The following CACNA1C variants were observed in gnomAD, a reference collection of about 807,000 sequenced individuals.
The protein encoded by CACNA1C is voltage-dependent L-type calcium channel subunit alpha-1C.
In CACNA1C, 30 loss-of-function variants were observed where a neutral mutation model predicts 229.0. The observed-to-expected ratio is 0.13, with a 90% CI of 0.10 to 0.18. CACNA1C has a LOEUF of 0.18. CACNA1C is among the 10% of genes least tolerant of loss of function. CACNA1C has a pLI of 1.00. For missense variants in CACNA1C, 1,658 were observed against 2,845.0 expected, an observed-to-expected ratio of 0.58 and a Z score of 9.49; for synonymous variants, 1,114 against 1,132.5, an observed-to-expected ratio of 0.98 and a Z score of 0.33.
At chr12:2,250,087 C>G (rs1452018526) in intron 3 of CACNA1C, among the ~76,000 whole-genome samples, 1 of 151,970 alleles carries the variant, frequency 6.6e-6, no homozygotes, top group Non-Finnish European at 1.5e-5. Flanking sequence ...GGATTACAGG[C>G]GTGAGCCACT....
At chr12:2,460,849 A>C (rs1475257953) in intron 5 of CACNA1C, among the ~76,000 whole-genome samples, 1 of 152,192 alleles carries the variant, frequency 6.6e-6, no homozygotes, top group Non-Finnish European at 1.5e-5. Context: ...GCTCTTCCTC[A>C]GCTCATCCAG....
At chr12:2,506,432 C>T (rs1033475940) in intron 8 of CACNA1C, among the ~76,000 whole-genome samples, 28 of 152,122 alleles carry the variant, frequency 1.8e-4, no homozygotes, top group African/African-American at 5.1e-4. Context: ...ATCTTAGTTT[C>T]CCCATCTGAA....
At chr12:2,238,160 T>C (rs767901662) in intron 3 of CACNA1C, among the ~76,000 whole-genome samples, 5 of 152,228 alleles carry the variant, frequency 3.3e-5, no homozygotes, top group Non-Finnish European at 7.3e-5. Flanking sequence ...AAAACTATTA[T>C]GCAGAAGAAG....
At chr12:2,413,370 C>T (rs74059846) in intron 3 of CACNA1C, among the ~76,000 whole-genome samples, 2 of 152,176 alleles carry the variant, frequency 1.3e-5, no homozygotes, top group Non-Finnish European at 2.9e-5. Flanking sequence ...TTTGATAAAG[C>T]GTGAATGACT....
intron 3 of CACNA1C, among the ~76,000 whole-genome samples, chr12:2,438,664 T>C (rs1265695216): frequency 6.6e-6 from 1 of 152,010 alleles, no homozygotes. Flanking sequence ...GTGACAGACC[T>C]TGAACCATGC....
intron 1 of CACNA1C, among the ~76,000 whole-genome samples, chr12:2,059,702 G>A (rs2056721269): frequency 6.6e-6 from 1 of 152,144 alleles, no homozygotes; most frequent in Admixed American, 6.5e-5. Context: ...CTAGGATCAG[G>A]ACATTTTATG....
At chr12:2,543,634 T>G (rs899680072) in intron 9 of CACNA1C, among the ~76,000 whole-genome samples, 3 of 152,192 alleles carry the variant, frequency 2.0e-5, no homozygotes, top group Non-Finnish European at 4.4e-5. Context: ...AGGTGAGACA[T>G]TTTTATTTCA....
intron 1 of CACNA1C, among the ~76,000 whole-genome samples, chr12:2,027,032 G>A (rs1269255459): frequency 6.6e-6 from 1 of 152,180 alleles, no homozygotes; most frequent in Non-Finnish European, 1.5e-5. Flanking sequence ...ATTTCCCAAA[G>A]AAAGATACTG....
chr12:2,562,871 G>T (rs2048246043), intron 11 of CACNA1C, among the ~76,000 whole-genome samples: 2 of 152,148 alleles, frequency 1.3e-5, no homozygotes, highest in African/African-American at 4.8e-5. Context: ...TCATTTCTTT[G>T]TATTACGAAC....
At chr12:2,157,541 G>C (rs1162243546) in intron 3 of CACNA1C, among the ~76,000 whole-genome samples, 1 of 152,250 alleles carries the variant, frequency 6.6e-6, no homozygotes, top group Non-Finnish European at 1.5e-5. Context: ...CAGAAGATCT[G>C]CGTGGCTTTC....
chr12:2,685,875 G>A lies in CACNA1C; in HGVS notation c.5680+33G>A, dbSNP rs370828116. 3.1e-5 allele frequency: 47 copies of A among 1,504,390 alleles called. 1 individual carries two copies. The highest frequency in any genetic ancestry group is 2.1e-4 in the South Asian group (19 of 88,590). The allele number at this position is 1,504,390 out of a possible 1,614,324, so 93.2% of individuals were successfully genotyped here. A position where few individuals can be genotyped will look rare whatever the true frequency, so the allele number is the denominator to read the frequency against. On this transcript the variant is annotated intron_variant, in intron 44 of 46. Coordinates refer to ENST00000399655, the MANE Select transcript of CACNA1C (RefSeq NM_000719.7). ...CACCGCTCGCTCTCTGGATGTGGTC[G>A]GCGGTTACTCCCTAGAGAACACTGG...
At chr12:1,996,465 A>C (rs1278044427) in intron 1 of CACNA1C, among the ~76,000 whole-genome samples, 2 of 151,842 alleles carry the variant, frequency 1.3e-5, no homozygotes, top group Non-Finnish European at 2.9e-5. Context: ...CCTCTATGCA[A>C]GCTAAGTTCC....
At chr12:2,434,194 C>T (rs1169773954) in intron 3 of CACNA1C, among the ~76,000 whole-genome samples, 3 of 152,096 alleles carry the variant, frequency 2.0e-5, no homozygotes, top group African/African-American at 7.2e-5. Flanking sequence ...GGTTGTTTGT[C>T]AAGCCCACCT....
intron 3 of CACNA1C, among the ~76,000 whole-genome samples, chr12:2,209,764 T>G (rs978715031): frequency 6.6e-6 from 1 of 152,168 alleles, no homozygotes; most frequent in Non-Finnish European, 1.5e-5. Flanking sequence ...CCTTAAAGAT[T>G]ATGTTCGTAT....
intron 3 of CACNA1C, among the ~76,000 whole-genome samples, chr12:2,148,253 A>G (rs2094905636): frequency 6.6e-6 from 1 of 151,202 alleles, no homozygotes; most frequent in Non-Finnish European, 1.5e-5. Context: ...TCTTTTTGGA[A>G]ACTTTGTCTC....
Position 2,590,067 on chromosome 12 carries a change from G to C in CACNA1C, c.2531-3146G>C, listed in dbSNP as rs138060821. Among the ~76,000 whole-genome samples, 398 of 152,244 alleles carry C rather than the reference G, an allele frequency of 2.6e-3. 4 individuals carry two copies. Among genetic ancestry groups the C allele is most frequent in the Admixed American group, 5.0e-3 (77 of 15,304 alleles). On this transcript the variant is annotated intron_variant, in intron 18 of 46. Coordinates refer to ENST00000399655, the MANE Select transcript of CACNA1C (RefSeq NM_000719.7). ...CCTTCAGCTGGTAGCAGACTCTTGCGCCCTGCTAGAAACTAAGCTCCTTGA... is the reference window on the plus strand; with the variant it reads ...CCTTCAGCTGGTAGCAGACTCTTGCCCCCTGCTAGAAACTAAGCTCCTTGA...
At chr12:2,119,328 A>G (rs534980946) in intron 2 of CACNA1C, among the ~76,000 whole-genome samples, 1 of 152,162 alleles carries the variant, frequency 6.6e-6, no homozygotes, top group Non-Finnish European at 1.5e-5. Flanking sequence ...AGACTCCATG[A>G]ACTGGGCTGC....
chr12:2,555,958 C>T (rs2044002328), intron 10 of CACNA1C, among the ~76,000 whole-genome samples: 1 of 152,178 alleles, frequency 6.6e-6, no homozygotes, highest in South Asian at 2.1e-4. Flanking sequence ...TGTTGCTCCA[C>T]CACTGTCTCC....
chr12:2,339,529 T>C (rs1314872301), intron 3 of CACNA1C, among the ~76,000 whole-genome samples: 2 of 152,240 alleles, frequency 1.3e-5, no homozygotes, highest in African/African-American at 4.8e-5. Context: ...ATGACTCTTA[T>C]AATAACATGT....
Sources: allele counts gnomAD v4.1 joint callset (sites outside exome capture counted in the v4.1 genomes callset), GRCh38; gene constraint gnomAD v4.1.1; transcripts MANE v1.5; gene names NCBI Gene and HGNC (gene_info 2026-07-23, HGNC 2026-07-21).